The following CEP162 variants were observed in gnomAD, a reference collection of about 807,000 sequenced individuals.
The protein encoded by CEP162 is centrosomal protein of 162 kDa.
CEP162 carries 141 observed loss-of-function variants against 169.2 expected under a neutral mutation model. The ratio of observed to expected loss-of-function variants is 0.83; its 90% CI spans 0.73 to 0.96. The LOEUF is 0.96. Among genes scored for constraint, CEP162 ranks in the 40% least tolerant of loss-of-function variants. The pLI is 0.00. For missense variants in CEP162, 1,600 were observed against 1,587.2 expected (o/e 1.01, Z -0.14); for synonymous variants, 540 against 526.4 (o/e 1.03, Z -0.35).
rs1043659788 is a variant in CEP162 at position 84,128,599 on chromosome 6, T to A, written c.3871-2087A>T. On this transcript the variant is annotated intron_variant, in intron 25 of 26. Coordinates refer to ENST00000403245, the MANE Select transcript of CEP162 (RefSeq NM_014895.4). ...TTAGCATCAATATCTTCATCTAAAA[T>A]GGGAATAATAGTAGTAACTACTCTT... Among the ~76,000 whole-genome samples the A allele has an allele frequency of 5.3e-5, 8 of 152,178 alleles. No homozygotes were observed. In the East Asian group the frequency reaches 1.5e-3, roughly 29 times the overall value.
intron 18 of CEP162, 144 bp from the exon 19 acceptor site, chr6:84,163,414 C>A (rs776899017): frequency 3.2e-6 from 2 of 627,710 alleles, no homozygotes; most frequent in Non-Finnish European, 5.5e-6. Flanking sequence ...CCACCTGCCC[C>A]ACCCCAGAAT....
At chr6:84,176,910 C>CA (rs1381757318) in intron 13 of CEP162, among the ~76,000 whole-genome samples, 2 of 151,070 alleles carry the variant, frequency 1.3e-5, no homozygotes, top group African/African-American at 4.9e-5. Flanking sequence ...TTTTTTGAGA[C>CA]AGAGTCTCGC....
rs1185343839 is a variant in CEP162, at chr6:84,200,924, A to C, written c.719-19T>G. The C allele has an allele frequency of 7.3e-7, 1 of 1,377,574 alleles. No individual in the cohort carries two copies. The highest frequency in any genetic ancestry group is 1.0e-6 in the Non-Finnish European group (1 of 968,596). 85.3% of individuals were successfully genotyped at this position (1,377,574 alleles called of 1,614,324 possible). A position where few individuals can be genotyped will look rare whatever the true frequency, so the allele number is the denominator to read the frequency against. On this transcript the variant is annotated intron_variant, in intron 8 of 26. Transcript: ENST00000403245. ...AGCACAACTGGAAGAATATAAAAGA[A>C]AAATATAAGGAATGTAGATAAACTC...
chr6:84,180,961 CCAAT>C (rs2099534551), intron 13 of CEP162, among the ~76,000 whole-genome samples: 1 of 152,154 alleles, frequency 6.6e-6, no homozygotes, highest in African/African-American at 2.4e-5. Flanking sequence ...CATCAAGCTA[CCAAT>C]GACTTTCTTC....
intron 25 of CEP162, among the ~76,000 whole-genome samples, chr6:84,142,338 T>C (rs1390542750): frequency 6.6e-6 from 1 of 152,234 alleles, no homozygotes; most frequent in Non-Finnish European, 1.5e-5. Context: ...GCCTGTCTCA[T>C]GGCTAAAACT....
At chr6:84,222,901 CAGG>C (rs1298376584) in intron 2 of CEP162, among the ~76,000 whole-genome samples, 2 of 152,208 alleles carry the variant, frequency 1.3e-5, no homozygotes, top group Non-Finnish European at 2.9e-5. Flanking sequence ...GGTAGGAAGA[CAGG>C]AGGAGGGAAG....
At chr6:84,154,416 C>G (rs2476904) in intron 22 of CEP162, among the ~76,000 whole-genome samples, 38,131 of 151,810 alleles carry the variant, frequency 0.25, 10,739 homozygotes, top group African/African-American at 0.7. Context: ...ATCTGTAAAA[C>G]AGGGTGGAAT....
Position 84,215,834 on chromosome 6 carries a change from A to C in CEP162, c.261T>G (p.Ile87Met), listed in dbSNP as rs1453080536. 1 of 1,587,946 alleles carries C rather than the reference A, an allele frequency of 6.3e-7. No homozygotes were observed. Among genetic ancestry groups the C allele is most frequent in the Admixed American group, 1.8e-5 (1 of 56,312 alleles). The change falls in exon 4 of 27, where the codon ATT (isoleucine) becomes ATG (methionine). Residue 87 changes from isoleucine to methionine, a missense_variant. Ile to Met is a conservative substitution (Grantham distance 10). Coordinates refer to ENST00000403245, the MANE Select transcript of CEP162 (RefSeq NM_014895.4). ...MEIEEESAEK[I>M]QFLKSSGTSL... ...AGGTTCCACTGCTCTTAAGAAATTG[A>C]ATCTTTTCAGCAGACTCCTCTTCTA...
At chr6:84,202,332 G>A (rs1423699427) in intron 7 of CEP162, among the ~76,000 whole-genome samples, 3 of 152,006 alleles carry the variant, frequency 2.0e-5, no homozygotes, top group African/African-American at 7.2e-5. Flanking sequence ...TACTTGGGTA[G>A]GCAGTTTGTG....
chr6:84,134,951 C>T, intron 25 of CEP162, among the ~76,000 whole-genome samples: 1 of 150,104 alleles, frequency 6.7e-6, no homozygotes, highest in Non-Finnish European at 1.5e-5. Context: ...CACACACACA[C>T]ACACATATAT....
At chr6:84,129,321 A>G (rs1380280447) in intron 25 of CEP162, among the ~76,000 whole-genome samples, 1 of 152,138 alleles carries the variant, frequency 6.6e-6, no homozygotes, top group Non-Finnish European at 1.5e-5. Flanking sequence ...GTGTAAAAGC[A>G]TTCCTATTTC....
rs945263094 is a variant in CEP162 at position 84,227,632 on chromosome 6, T to G, written c.-112A>C. On this transcript the variant is annotated 5_prime_UTR_variant, in exon 1 of 27. Transcript: ENST00000403245. ...GGAAGGTCTGTGCGGGTCCACCAGT[T>G]GTCAGGGTAACAGACTTCAGCTGCC... The G allele has an allele frequency of 6.6e-6, 1 of 152,254 alleles. No individual in the cohort carries two copies. Among genetic ancestry groups the G allele is most frequent in the Non-Finnish European group, 1.5e-5 (1 of 68,090 alleles). 9.4% of individuals were successfully genotyped at this position (152,254 alleles called of 1,614,324 possible).
At chr6:84,126,002 TGCTA>T (rs1190952563) in intron 26 of CEP162, among the ~76,000 whole-genome samples, 4 of 152,184 alleles carry the variant, frequency 2.6e-5, no homozygotes, top group Non-Finnish European at 4.4e-5. Flanking sequence ...ATATTACTAG[TGCTA>T]GCTATATATT....
At chr6:84,145,351 C>G (rs1406452192) in intron 25 of CEP162, among the ~76,000 whole-genome samples, 2 of 152,100 alleles carry the variant, frequency 1.3e-5, no homozygotes, top group African/African-American at 4.8e-5. Flanking sequence ...TCCAGCAAAA[C>G]AGACTTATAA....
At chr6:84,156,035 A>G (rs1267017113) in intron 21 of CEP162, among the ~76,000 whole-genome samples, 3 of 152,024 alleles carry the variant, frequency 2.0e-5, no homozygotes, top group Admixed American at 2.0e-4. Flanking sequence ...ATAGACACAT[A>G]GATCAATGGA....
In CEP162 at chr6:84,212,944, C is replaced by G. The variant is rs1207142524; in HGVS notation, c.571+13G>C. 1 of 1,468,348 alleles carries G rather than the reference C, an allele frequency of 6.8e-7. No individual in the cohort carries two copies. Among genetic ancestry groups the G allele is most frequent in the African/African-American group, 1.4e-5 (1 of 71,428 alleles). 91.0% of individuals were successfully genotyped at this position (1,468,348 alleles called of 1,614,324 possible). ...TTTTCAAATATTATAAATTTAAGAA[C>G]CAATGAAATTACCTGCCAGTTCTTC... On this transcript the variant is annotated intron_variant, in intron 6 of 26. Transcript: ENST00000403245.
chr6:84,154,354 GTCTGTCTATCTA>G (rs1283527524), intron 22 of CEP162, among the ~76,000 whole-genome samples: 1 of 150,118 alleles, frequency 6.7e-6, no homozygotes, highest in Admixed American at 6.6e-5. Context: ...CTGTCTGTCT[GTCTGTCTATCTA>G]TCTATCTATC....
rs568482065 is a variant in CEP162 at position 84,155,522 on chromosome 6, T to A, written c.2782-12A>T. ...TCCATTTCCTTAACCTATTAAAACA[T>A]ATTTTCCACCAAAGAACACTTAGAT... On this transcript the variant is annotated splice_polypyrimidine_tract_variant and intron_variant, in intron 21 of 26. Transcript: ENST00000403245. The A allele has an allele frequency of 2.6e-6, 4 of 1,537,690 alleles. No individual in the cohort carries two copies. Among genetic ancestry groups the A allele is most frequent in the African/African-American group, 2.7e-5 (2 of 72,922 alleles).
At chr6:84,204,308 A>C (rs1433019055) in intron 6 of CEP162, among the ~76,000 whole-genome samples, 1 of 152,190 alleles carries the variant, frequency 6.6e-6, no homozygotes, top group Non-Finnish European at 1.5e-5. Flanking sequence ...CTTATTCCAA[A>C]ATTGACCACA....
Sources: allele counts gnomAD v4.1 joint callset (sites outside exome capture counted in the v4.1 genomes callset), GRCh38; gene constraint gnomAD v4.1.1; transcripts MANE v1.5; gene names NCBI Gene and HGNC (gene_info 2026-07-23, HGNC 2026-07-21).